The following LARGE1 variants were observed in gnomAD, a reference collection of about 807,000 sequenced individuals.
The protein encoded by LARGE1 is LARGE xylosyl- and glucuronyltransferase 1.
Under a neutral mutation model 87.6 loss-of-function variants are expected in LARGE1, and 43 were observed. The ratio of observed to expected loss-of-function variants is 0.49; its 90% CI spans 0.38 to 0.63. The LOEUF is 0.63. Among genes scored for constraint, LARGE1 ranks in the 30% least tolerant of loss-of-function variants. LARGE1 has a pLI of 0.00. For synonymous variants in LARGE1, 434 were observed against 394.6 expected, an observed-to-expected ratio of 1.10 and a Z score of -1.18; for missense variants, 802 against 1,000.2, an observed-to-expected ratio of 0.80 and a Z score of 2.67.
rs933639760 is a variant in LARGE1, at chr22:33,416,442, C to T, written c.892+15719G>A. Among the ~76,000 whole-genome samples the T allele has an allele frequency of 8.5e-5, 13 of 152,092 alleles. No homozygotes were observed. The East Asian group carries it at 9.6e-4, about 11-fold the overall frequency. On this transcript the variant is annotated intron_variant, in intron 7 of 14. Coordinates refer to ENST00000397394, the MANE Select transcript of LARGE1 (RefSeq NM_133642.5). ...CCGTGCAGGCCTCCACTCTAGCTCTCGGAATTGTGTACAGACTCCTCCATC... is the reference window on the plus strand; with the variant it reads ...CCGTGCAGGCCTCCACTCTAGCTCTTGGAATTGTGTACAGACTCCTCCATC...
intron 2 of LARGE1, among the ~76,000 whole-genome samples, chr22:33,714,922 C>T (rs1263264831): frequency 6.6e-6 from 1 of 152,220 alleles, no homozygotes; most frequent in African/African-American, 2.4e-5. Flanking sequence ...AGGCAGTCCC[C>T]TCTCATATCC....
chr22:33,113,438 C>T, the LARGE1 span, among the ~76,000 whole-genome samples: 1 of 152,190 alleles, frequency 6.6e-6, no homozygotes, highest in South Asian at 2.1e-4. Context: ...AACTCCCGAC[C>T]TCAGGTGATC....
chr22:33,845,613 TG>T (rs1441531767), intron 1 of LARGE1, among the ~76,000 whole-genome samples: 1 of 152,198 alleles, frequency 6.6e-6, no homozygotes, highest in Non-Finnish European at 1.5e-5. Context: ...TGGCCTATAA[TG>T]GACCTTATAA....
chr22:33,424,856 A>G lies in LARGE1; in HGVS notation c.892+7305T>C, dbSNP rs113158404. Among the ~76,000 whole-genome samples the G allele has an allele frequency of 4.6e-5, 7 of 152,278 alleles. 1 individual carries two copies. Among genetic ancestry groups the G allele is most frequent in the South Asian group, 2.1e-4 (1 of 4,820 alleles). The stretch of plus-strand genomic sequence containing the variant: ...AAGACCCTATCTCAAAAAATAAAAT[A>G]AAATACTTTAAAATCCTAATTCCTA... On this transcript the variant is annotated intron_variant, in intron 7 of 14. Transcript: ENST00000397394.
chr22:33,547,865 A>G (rs2077407383), intron 6 of LARGE1, among the ~76,000 whole-genome samples: 1 of 151,298 alleles, frequency 6.6e-6, no homozygotes, highest in Non-Finnish European at 1.5e-5. Context: ...TAATAAGGGG[A>G]ACAGGCTATA....
intron 1 of LARGE1, among the ~76,000 whole-genome samples, chr22:33,905,371 T>C (rs2065415696): frequency 6.6e-6 from 1 of 152,130 alleles, no homozygotes; most frequent in African/African-American, 2.4e-5. Flanking sequence ...GCCTGGGCCC[T>C]TGAATTCTGA....
chr22:33,195,586 AAAG>A (rs981877623), intron 11 of LARGE1, among the ~76,000 whole-genome samples: 22 of 152,168 alleles, frequency 1.4e-4, no homozygotes, highest in African/African-American at 5.1e-4. Context: ...TGTATGGGTC[AAAG>A]AAGAAATCAA....
At chr22:33,323,495 C>G (rs1429831583) in intron 10 of LARGE1, among the ~76,000 whole-genome samples, 1 of 152,188 alleles carries the variant, frequency 6.6e-6, no homozygotes, top group East Asian at 1.9e-4. Context: ...GACCTCAAAC[C>G]AGGGACATTT....
chr22:33,307,736 T>C (rs1935095975), intron 11 of LARGE1, among the ~76,000 whole-genome samples: 1 of 151,626 alleles, frequency 6.6e-6, no homozygotes, highest in Admixed American at 6.6e-5. Context: ...GTCATGAAGG[T>C]GGAACTCTCA....
intron 6 of LARGE1, among the ~76,000 whole-genome samples, chr22:33,492,110 T>G (rs1473798960): frequency 6.6e-6 from 1 of 152,068 alleles, no homozygotes; most frequent in African/African-American, 2.4e-5. Flanking sequence ...AGCAGGTAGA[T>G]AAATAGGTAA....
At chr22:33,687,698 G>A (rs1475995255) in intron 2 of LARGE1, among the ~76,000 whole-genome samples, 4 of 152,144 alleles carry the variant, frequency 2.6e-5, no homozygotes, top group Non-Finnish European at 5.9e-5. Context: ...AGAGATGGGA[G>A]GGGAAGAGGA....
chr22:33,712,218 GA>G (rs3216426), intron 2 of LARGE1, among the ~76,000 whole-genome samples: 20 of 150,646 alleles, frequency 1.3e-4, no homozygotes, highest in Middle Eastern at 3.4e-3. Flanking sequence ...GGGGATGGGG[GA>G]AAAAAAAAGG....
At chr22:33,120,411 CTTCT>C in the LARGE1 span, among the ~76,000 whole-genome samples, 2 of 19,928 alleles carry the variant, frequency 1.0e-4, no homozygotes, top group Non-Finnish European at 2.1e-4. Context: ...TCTTTCTTTC[CTTCT>C]TTCTTTCTTT....
intron 6 of LARGE1, among the ~76,000 whole-genome samples, chr22:33,471,461 G>C (rs938778644): frequency 2.0e-5 from 3 of 152,106 alleles, no homozygotes; most frequent in Admixed American, 6.5e-5. Context: ...TATGTGCAAA[G>C]CATCTGCTCA....
chr22:33,884,194 A>G (rs966073545), intron 1 of LARGE1, among the ~76,000 whole-genome samples: 3 of 152,248 alleles, frequency 2.0e-5, no homozygotes, highest in African/African-American at 7.2e-5. Flanking sequence ...AACCAAGGCC[A>G]TGCGGTTGGC....
intron 7 of LARGE1, among the ~76,000 whole-genome samples, chr22:33,401,940 C>A (rs2065938822): frequency 6.6e-6 from 1 of 152,216 alleles, no homozygotes; most frequent in African/African-American, 2.4e-5. Flanking sequence ...GGTGCCCCAG[C>A]ATCCCTTGCT....
At chr22:33,772,332 C>CAAA (rs56766354) in intron 1 of LARGE1, among the ~76,000 whole-genome samples, 1 of 148,012 alleles carries the variant, frequency 6.8e-6, no homozygotes, top group Non-Finnish European at 1.5e-5. Flanking sequence ...GACTCTGCCT[C>CAAA]AAAAAAAAAA....
intron 1 of LARGE1, among the ~76,000 whole-genome samples, chr22:33,852,676 G>A (rs9609883): frequency 0.18 from 27,712 of 151,346 alleles, 2,718 homozygotes; most frequent in Middle Eastern, 0.27. Flanking sequence ...GTGAAATCCC[G>A]TCTCTACTAA....
At chr22:33,498,730 G>T (rs1398531364) in intron 6 of LARGE1, among the ~76,000 whole-genome samples, 1 of 152,316 alleles carries the variant, frequency 6.6e-6, no homozygotes, top group African/African-American at 2.4e-5. Context: ...CCAGCACTTT[G>T]GGAGGCCGAG....
Sources: allele counts gnomAD v4.1 joint callset (sites outside exome capture counted in the v4.1 genomes callset), GRCh38; gene constraint gnomAD v4.1.1; transcripts MANE v1.5; gene names NCBI Gene and HGNC (gene_info 2026-07-23, HGNC 2026-07-21).